Variants in IL1RAPL2 observed in about 807,000 individuals in gnomAD.
IL1RAPL2 encodes the protein interleukin 1 receptor accessory protein like 2, also known as X-linked interleukin-1 receptor accessory protein-like 2.
IL1RAPL2 carries 3 observed loss-of-function variants against 44.1 expected under a neutral mutation model. That is an observed-to-expected ratio of 0.07 (90% CI 0.03 to 0.18). The LOEUF is 0.18. IL1RAPL2 is among the 10% of genes least tolerant of loss of function. The probability of loss-of-function intolerance (pLI) is 1.00; values close to 1 mark genes in which losing one functional copy is unlikely to be tolerated. For synonymous variants in IL1RAPL2, 181 were observed against 178.8 expected (o/e 1.01, Z -0.10); for missense variants, 391 against 496.4 (o/e 0.79, Z 2.02).
intron 2 of IL1RAPL2, among the ~76,000 whole-genome samples, chrX:104,887,701 G>C (rs374153898): frequency 3.6e-5 from 4 of 111,670 alleles, no homozygotes; most frequent in African/African-American, 1.3e-4. Flanking sequence ...GGAACCAATC[G>C]AGCATGACTG....
intron 2 of IL1RAPL2, among the ~76,000 whole-genome samples, chrX:104,760,612 C>A (rs887112706): frequency 1.8e-5 from 2 of 111,837 alleles, no homozygotes; most frequent in Admixed American, 1.9e-4. Context: ...AATATTTTAC[C>A]CATCTTTTGA....
At chrX:105,537,643 C>T (rs1417304205) in intron 6 of IL1RAPL2, among the ~76,000 whole-genome samples, 1 of 111,636 alleles carries the variant, frequency 9.0e-6, no homozygotes, top group African/African-American at 3.3e-5. Context: ...AGCAGTAGGA[C>T]CTTTAGCAAA....
At chrX:105,620,031 A>T (rs1376477022) in intron 6 of IL1RAPL2, among the ~76,000 whole-genome samples, 1 of 110,870 alleles carries the variant, frequency 9.0e-6, no homozygotes, top group East Asian at 2.9e-4. Context: ...GTTCTTTGTC[A>T]CTTAGTTATG....
In IL1RAPL2 at chrX:105,330,151, G is replaced by T. The variant is rs752829676; in HGVS notation, c.697+62610G>T. ...GTAATTTACATGGACATTAAAGTTT[G>T]ATATATACTGAGCAAGCATGTGCAC... is the stretch of plus-strand genomic sequence containing the variant. On this transcript the variant is annotated intron_variant, in intron 5 of 10. Coordinates refer to ENST00000372582, the MANE Select transcript of IL1RAPL2 (RefSeq NM_017416.2). Among the ~76,000 whole-genome samples, 261 of 111,317 alleles carry T rather than the reference G, an allele frequency of 2.3e-3. 1 individual carries two copies. The highest frequency in any genetic ancestry group is 8.1e-3 in the African/African-American group (249 of 30,703).
chrX:105,035,287 C>G (rs757411230), intron 2 of IL1RAPL2, among the ~76,000 whole-genome samples: 1 of 111,876 alleles, frequency 8.9e-6, no homozygotes, highest in African/African-American at 3.2e-5. Flanking sequence ...TGAGATGAAC[C>G]TGGTACCTCA....
intron 5 of IL1RAPL2, among the ~76,000 whole-genome samples, chrX:105,443,661 G>A (rs1051485714): frequency 8.9e-6 from 1 of 112,164 alleles, no homozygotes; most frequent in Non-Finnish European, 1.9e-5. Context: ...TTCCATCCAT[G>A]TTTTTGCGAA....
At chrX:104,674,310 G>A (rs1198808134) in intron 2 of IL1RAPL2, among the ~76,000 whole-genome samples, 3 of 111,659 alleles carry the variant, frequency 2.7e-5, no homozygotes, top group South Asian at 3.8e-4. Context: ...TAGCATGAAG[G>A]GTTGTTGAAT....
intron 2 of IL1RAPL2, among the ~76,000 whole-genome samples, chrX:104,759,111 C>T (rs760135630): frequency 8.5e-4 from 95 of 112,395 alleles, no homozygotes; most frequent in Non-Finnish European, 1.6e-3. Flanking sequence ...TAAGACGGCC[C>T]ACACTTATAT....
intron 2 of IL1RAPL2, among the ~76,000 whole-genome samples, chrX:104,885,230 C>T (rs766070669): frequency 8.1e-5 from 9 of 111,141 alleles, no homozygotes; most frequent in South Asian, 3.9e-4. Context: ...GAATGACAGC[C>T]GAAGAAAGGG....
At chrX:104,885,085 G>A (rs761601109) in intron 2 of IL1RAPL2, among the ~76,000 whole-genome samples, 1 of 111,799 alleles carries the variant, frequency 8.9e-6, no homozygotes, top group South Asian at 3.8e-4. Context: ...CAGGGTCTAG[G>A]GCAAACCTTC....
chrX:104,779,299 C>A (rs747616851), intron 2 of IL1RAPL2, among the ~76,000 whole-genome samples: 2 of 112,416 alleles, frequency 1.8e-5, no homozygotes, highest in South Asian at 3.7e-4. Flanking sequence ...GGTTCATGTG[C>A]TTGGAAGCAC....
intron 5 of IL1RAPL2, among the ~76,000 whole-genome samples, chrX:105,272,831 G>A (rs751185967): frequency 8.9e-6 from 1 of 112,120 alleles, no homozygotes; most frequent in South Asian, 3.7e-4. Context: ...AGATTACATA[G>A]CTTGTTAGAA....
At chrX:105,217,112 TTAAAC>T (rs1390026677) in intron 3 of IL1RAPL2, among the ~76,000 whole-genome samples, 2 of 107,152 alleles carry the variant, frequency 1.9e-5, no homozygotes, top group Non-Finnish European at 3.9e-5. Flanking sequence ...TGGGATCTAA[TTAAAC>T]TAAAGAGCTT....
intron 6 of IL1RAPL2, among the ~76,000 whole-genome samples, chrX:105,496,288 T>G (rs1260695926): frequency 8.9e-6 from 1 of 112,521 alleles, no homozygotes; most frequent in African/African-American, 3.2e-5. Flanking sequence ...CTTGGGCACA[T>G]GTTCTCAGGA....
intron 1 of IL1RAPL2, among the ~76,000 whole-genome samples, chrX:104,646,585 T>C (rs1479567958): frequency 8.9e-6 from 1 of 112,025 alleles, no homozygotes; most frequent in Non-Finnish European, 1.9e-5. Flanking sequence ...TCCCCAACTC[T>C]TGGTGGTTTG....
intron 5 of IL1RAPL2, among the ~76,000 whole-genome samples, chrX:105,343,884 T>C (rs1490704421): frequency 9.0e-6 from 1 of 111,076 alleles, no homozygotes; most frequent in Non-Finnish European, 1.9e-5. Context: ...AGTTTTCTTT[T>C]TTTTTTTTTC....
chrX:105,200,325 A>T (rs1556145143), intron 3 of IL1RAPL2, among the ~76,000 whole-genome samples: 1 of 111,942 alleles, frequency 8.9e-6, no homozygotes, highest in Non-Finnish European at 1.9e-5. Flanking sequence ...TAATTTTTAA[A>T]TTTTTCCTTG....
intron 5 of IL1RAPL2, among the ~76,000 whole-genome samples, chrX:105,344,635 G>C (rs1412373884): frequency 9.0e-6 from 1 of 111,618 alleles, no homozygotes; most frequent in Non-Finnish European, 1.9e-5. Context: ...TCATTCATAG[G>C]ACAAGTATAC....
At chrX:105,577,661 C>T (rs755406147) in intron 6 of IL1RAPL2, among the ~76,000 whole-genome samples, 1 of 110,523 alleles carries the variant, frequency 9.0e-6, no homozygotes, top group African/African-American at 3.3e-5. Flanking sequence ...CCTCACCCTC[C>T]TACAACCCTC....
Sources: allele counts gnomAD v4.1 joint callset (sites outside exome capture counted in the v4.1 genomes callset), GRCh38; gene constraint gnomAD v4.1.1; transcripts MANE v1.5; gene names NCBI Gene and HGNC (gene_info 2026-07-23, HGNC 2026-07-21).